Variants in NRXN3 observed in about 807,000 individuals in gnomAD.
NRXN3 encodes neurexin III.
A neutral mutation model predicts 137.6 loss-of-function variants in NRXN3; 32 were observed. The ratio of observed to expected loss-of-function variants is 0.23; its 90% CI spans 0.18 to 0.31. The LOEUF is 0.31. Among genes scored for constraint, NRXN3 ranks in the 10% least tolerant of loss-of-function variants. NRXN3 has a pLI of 1.00. For missense variants in NRXN3, 1,574 were observed against 2,062.5 expected (o/e 0.76, Z 4.59); for synonymous variants, 798 against 784.5 (o/e 1.02, Z -0.29).
chr14:79,747,391 G>A (rs2098982957), intron 19 of NRXN3, among the ~76,000 whole-genome samples: 1 of 151,986 alleles, frequency 6.6e-6, no homozygotes, highest in Non-Finnish European at 1.5e-5. Flanking sequence ...AAAGTAGATT[G>A]GAAGAAGCAA....
Position 78,313,264 on chromosome 14 carries a change from G to A in NRXN3, c.757+15404G>A, listed in dbSNP as rs574271599. ...CCAACCTGATAGTTGGAAGACTTTC[G>A]TGCACTTTTTTGTTTGTTTCGTCTG... On this transcript the variant is annotated intron_variant, in intron 4 of 20. Coordinates refer to ENST00000335750, the MANE Select transcript of NRXN3 (RefSeq NM_001330195.2). Among the ~76,000 whole-genome samples, 5 of 152,218 alleles carry A rather than the reference G, an allele frequency of 3.3e-5. No individual in the cohort carries two copies. The South Asian group carries it at 6.2e-4, about 19-fold the overall frequency.
At chr14:79,767,709 C>G (rs1317879169) in intron 19 of NRXN3, among the ~76,000 whole-genome samples, 1 of 152,150 alleles carries the variant, frequency 6.6e-6, no homozygotes, top group East Asian at 1.9e-4. Flanking sequence ...AAAAGTAAGT[C>G]ACCCAAAGTT....
At chr14:78,740,802 T>C (rs1267433239) in intron 8 of NRXN3, among the ~76,000 whole-genome samples, 2 of 152,160 alleles carry the variant, frequency 1.3e-5, no homozygotes, top group Non-Finnish European at 2.9e-5. Flanking sequence ...CAGTATCTTA[T>C]ATCTGAATTT....
chr14:79,229,039 T>C (rs1208661654), intron 15 of NRXN3, among the ~76,000 whole-genome samples: 9 of 152,100 alleles, frequency 5.9e-5, no homozygotes. Context: ...AGGAAGAGAT[T>C]TAAAATCACA....
chr14:79,470,191 G>A (rs1355244659), intron 16 of NRXN3, among the ~76,000 whole-genome samples: 1 of 152,060 alleles, frequency 6.6e-6, no homozygotes, highest in African/African-American at 2.4e-5. Context: ...GAAACCTCCT[G>A]GGAAAAAGAA....
At chr14:78,375,025 T>C (rs538054037) in intron 4 of NRXN3, among the ~76,000 whole-genome samples, 1 of 152,348 alleles carries the variant, frequency 6.6e-6, no homozygotes, top group African/African-American at 2.4e-5. Context: ...TTCTGGCTTC[T>C]AAAGAAATCC....
chr14:78,675,712 C>T (rs1191876717), intron 6 of NRXN3, among the ~76,000 whole-genome samples: 3 of 152,208 alleles, frequency 2.0e-5, no homozygotes, highest in Non-Finnish European at 2.9e-5. Context: ...GTTTCTATGG[C>T]GTCTTCTGGG....
At chr14:79,811,479 A>G (rs1489050317) in intron 20 of NRXN3, among the ~76,000 whole-genome samples, 2 of 152,132 alleles carry the variant, frequency 1.3e-5, no homozygotes, top group East Asian at 3.9e-4. Context: ...CTATAAATGA[A>G]TATAGTATGT....
At chr14:78,471,978 A>G (rs747461567) in intron 4 of NRXN3, among the ~76,000 whole-genome samples, 3 of 152,228 alleles carry the variant, frequency 2.0e-5, no homozygotes, top group Non-Finnish European at 4.4e-5. Context: ...CAAACTCTGC[A>G]TCCCTGCTGA....
chr14:79,800,437 T>C (rs2099174562), intron 19 of NRXN3, among the ~76,000 whole-genome samples: 1 of 152,246 alleles, frequency 6.6e-6, no homozygotes, highest in African/African-American at 2.4e-5. Flanking sequence ...TTAGTAGGCA[T>C]GAGTCTAGAT....
chr14:79,772,246 T>A (rs1429898122), intron 19 of NRXN3, among the ~76,000 whole-genome samples: 1 of 152,118 alleles, frequency 6.6e-6, no homozygotes, highest in Non-Finnish European at 1.5e-5. Flanking sequence ...AAGTTACCAA[T>A]GACTTTCTTC....
intron 15 of NRXN3, among the ~76,000 whole-genome samples, chr14:79,308,617 C>A (rs1269521066): frequency 6.6e-6 from 1 of 152,162 alleles, no homozygotes; most frequent in Non-Finnish European, 1.5e-5. Flanking sequence ...TCTTTCTTAA[C>A]CCTTTTCCTG....
intron 15 of NRXN3, among the ~76,000 whole-genome samples, chr14:79,002,716 T>A (rs2099544154): frequency 6.6e-6 from 1 of 152,174 alleles, no homozygotes. Flanking sequence ...TGACTTATAG[T>A]CCTTTGGGTA....
chr14:79,758,313 A>G (rs2099026738), intron 19 of NRXN3, among the ~76,000 whole-genome samples: 1 of 152,188 alleles, frequency 6.6e-6, no homozygotes, highest in East Asian at 1.9e-4. Flanking sequence ...GAAGCATGGC[A>G]CCAGCATCTC....
chr14:78,534,037 C>T (rs931664761), intron 4 of NRXN3, among the ~76,000 whole-genome samples: 6 of 152,098 alleles, frequency 3.9e-5, no homozygotes, highest in African/African-American at 1.4e-4. Flanking sequence ...AATGGTGCAC[C>T]CCATTAAGTA....
chr14:78,539,868 A>G (rs903566138), intron 4 of NRXN3, among the ~76,000 whole-genome samples: 7 of 152,200 alleles, frequency 4.6e-5, no homozygotes, highest in Non-Finnish European at 7.3e-5. Context: ...TTATTTACCC[A>G]GTAGTCATTC....
At chr14:78,185,076 C>T (rs770452805) in intron 1 of NRXN3, among the ~76,000 whole-genome samples, 1 of 152,180 alleles carries the variant, frequency 6.6e-6, no homozygotes, top group Non-Finnish European at 1.5e-5. Flanking sequence ...TGTGGGCTTC[C>T]ACAAATTCAA....
intron 4 of NRXN3, among the ~76,000 whole-genome samples, chr14:78,347,891 G>A (rs1489383691): frequency 6.6e-6 from 1 of 152,164 alleles, no homozygotes; most frequent in Non-Finnish European, 1.5e-5. Flanking sequence ...AGTGAGAGAA[G>A]GGAAATACAA....
chr14:78,615,589 C>T (rs1032803636), intron 4 of NRXN3, among the ~76,000 whole-genome samples: 4 of 151,640 alleles, frequency 2.6e-5, no homozygotes, highest in Admixed American at 6.6e-5. Flanking sequence ...TCAGCCTGGG[C>T]GACAGTGTGA....
Sources: gnomAD v4.1 joint callset for allele counts (sites outside exome capture counted in the v4.1 genomes callset) on GRCh38, gnomAD v4.1.1 for gene constraint, MANE v1.5 for transcripts, NCBI Gene and HGNC (gene_info 2026-07-23, HGNC 2026-07-21) for gene names.